The following KAZN variants were observed in gnomAD, a reference collection of about 807,000 sequenced individuals.
KAZN encodes kazrin, periplakin interacting protein, also known as kazrin.
KAZN carries 40 observed loss-of-function variants against 87.4 expected under a neutral mutation model. The observed-to-expected ratio is 0.46, with a 90% confidence interval of 0.36 to 0.60. The LOEUF is 0.60. KAZN is among the 20% of genes least tolerant of loss of function. The pLI is 0.00. For synonymous variants in KAZN, 466 were observed against 458.3 expected, an observed-to-expected ratio of 1.02 and a Z score of -0.22; for missense variants, 898 against 1,073.9, an observed-to-expected ratio of 0.84 and a Z score of 2.29.
chr1:14,259,280 T>C (rs953346206), intron 2 of KAZN, among the ~76,000 whole-genome samples: 10 of 152,216 alleles, frequency 6.6e-5, no homozygotes, highest in Non-Finnish European at 1.3e-4. Context: ...GCTGCGAGCC[T>C]CTGAGGGCTG....
At position 13,983,237 on chromosome 1, in the gene KAZN, G is replaced by A. The variant is rs564952352; in HGVS notation, c.91+89481G>A. Among the ~76,000 whole-genome samples the A allele has an allele frequency of 2.0e-4, 31 of 152,342 alleles. No homozygotes were observed. In the East Asian group the frequency reaches 4.1e-3, roughly 20 times the overall value. Reference sequence around the variant, plus strand: ...GGGGTGGCGCTCGTGGAGGAGGCTCGGGGGCACAGGAGCCCACGGAGGGGT... The same window carrying A: ...GGGGTGGCGCTCGTGGAGGAGGCTCAGGGGCACAGGAGCCCACGGAGGGGT... On this transcript the variant is annotated intron_variant, in intron 1 of 16. Transcript: ENST00000636203.
chr1:14,197,740 A>G (rs1362484765), intron 2 of KAZN, among the ~76,000 whole-genome samples: 1 of 152,170 alleles, frequency 6.6e-6, no homozygotes, highest in Non-Finnish European at 1.5e-5. Flanking sequence ...CCAGAACCTT[A>G]TTTTCTAAGT....
chr1:14,846,439 A>C, intron 1 of KAZN, among the ~76,000 whole-genome samples: 1 of 152,124 alleles, frequency 6.6e-6, no homozygotes, highest in East Asian at 1.9e-4. Context: ...ATGGCTCTAC[A>C]CAGAGGCAGA....
chr1:15,097,587 G>A (rs1393473203), intron 10 of KAZN, among the ~76,000 whole-genome samples: 1 of 152,148 alleles, frequency 6.6e-6, no homozygotes, highest in Non-Finnish European at 1.5e-5. Flanking sequence ...GGGAGGCCAA[G>A]GCAGGTGGAT....
intron 1 of KAZN, among the ~76,000 whole-genome samples, chr1:14,004,912 GC>G (rs1639970622): frequency 6.6e-6 from 1 of 151,932 alleles, no homozygotes; most frequent in South Asian, 2.1e-4. Flanking sequence ...AGAGAACTGA[GC>G]CAGCATGTTA....
intron 2 of KAZN, among the ~76,000 whole-genome samples, chr1:14,309,529 G>A (rs1049492045): frequency 6.6e-6 from 1 of 152,170 alleles, no homozygotes; most frequent in Non-Finnish European, 1.5e-5. Flanking sequence ...TGATTCTAAT[G>A]CTACAGGAAT....
chr1:14,908,095 A>T (rs1483337777), intron 1 of KAZN, among the ~76,000 whole-genome samples: 1 of 152,226 alleles, frequency 6.6e-6, no homozygotes, highest in African/African-American at 2.4e-5. Context: ...TGAAGAGCAG[A>T]GCCATCAAAA....
rs546377738 is a variant in KAZN, at chr1:15,044,306, C to T, written c.726+147C>T. ...CACAAGCAGGGGGCAGGGCCCGCCG[C>T]GGGAGGGGGCTTTCTGCAATGCATC... On this transcript the variant is annotated intron_variant, in intron 4 of 14. Coordinates refer to ENST00000376030, the MANE Select transcript of KAZN (RefSeq NM_201628.3). The T allele has an allele frequency of 1.8e-5, 14 of 786,074 alleles. No homozygotes were observed. The Admixed American group carries it at 3.2e-4, about 18-fold the overall frequency. The allele number at this position is 786,074 out of a possible 1,614,324, so 48.7% of individuals were successfully genotyped here.
intron 13 of KAZN, among the ~76,000 whole-genome samples, chr1:15,105,651 G>A (rs1159816715): frequency 1.3e-5 from 2 of 151,978 alleles, no homozygotes; most frequent in Non-Finnish European, 2.9e-5. Context: ...TCAGGCCTGA[G>A]TCCTAAACCC....
chr1:14,005,518 A>G (rs1204074881), intron 1 of KAZN, among the ~76,000 whole-genome samples: 1 of 152,198 alleles, frequency 6.6e-6, no homozygotes, highest in Non-Finnish European at 1.5e-5. Flanking sequence ...GAGATATACA[A>G]GTAGACTCAT....
intron 1 of KAZN, among the ~76,000 whole-genome samples, chr1:14,933,843 T>A (rs1479186241): frequency 9.1e-6 from 1 of 109,808 alleles, no homozygotes; most frequent in East Asian, 2.9e-4. Flanking sequence ...GATGTAGCTT[T>A]TTTTTCTTTT....
intron 2 of KAZN, among the ~76,000 whole-genome samples, chr1:14,253,123 A>G (rs1448380446): frequency 2.9e-4 from 18 of 62,586 alleles, no homozygotes; most frequent in Middle Eastern, 0.01. Context: ...AAAAAAGAGA[A>G]AAAAAAAAAA....
intron 1 of KAZN, among the ~76,000 whole-genome samples, chr1:14,630,253 T>C (rs928962813): frequency 1.3e-5 from 2 of 152,238 alleles, no homozygotes; most frequent in African/African-American, 4.8e-5. Flanking sequence ...TAGTTCTTCA[T>C]GGTCCAGCTT....
chr1:14,862,254 C>T lies in KAZN; in HGVS notation c.227-98430C>T, dbSNP rs1161849654. The stretch of plus-strand genomic sequence containing the variant: ...AATGTGTGAACCAAGTGCCAGCAGA[C>T]CCAGAGAGGAAATGAGGAACCAGCC... On this transcript the variant is annotated intron_variant, in intron 1 of 14. Coordinates refer to ENST00000376030, the MANE Select transcript of KAZN (RefSeq NM_201628.3). Among the ~76,000 whole-genome samples the T allele has an allele frequency of 2.6e-5, 4 of 152,162 alleles. No individual in the cohort carries two copies. The East Asian group carries it at 7.7e-4, about 29-fold the overall frequency.
intron 1 of KAZN, among the ~76,000 whole-genome samples, chr1:14,871,377 G>T (rs1652108799): frequency 6.6e-6 from 1 of 152,066 alleles, no homozygotes; most frequent in Non-Finnish European, 1.5e-5. Context: ...GTTTCCTTTT[G>T]CATACAAATT....
chr1:14,744,216 A>T (rs1319368712), intron 1 of KAZN, among the ~76,000 whole-genome samples: 1 of 152,080 alleles, frequency 6.6e-6, no homozygotes, highest in African/African-American at 2.4e-5. Context: ...GGCTACAGAG[A>T]TGCTTTATGT....
At chr1:14,299,084 G>A (rs987847144) in intron 2 of KAZN, among the ~76,000 whole-genome samples, 2 of 152,166 alleles carry the variant, frequency 1.3e-5, no homozygotes, top group African/African-American at 4.8e-5. Flanking sequence ...TGTTTATTGA[G>A]CTACTACTGT....
chr1:14,801,233 T>G (rs1309754005), intron 1 of KAZN, among the ~76,000 whole-genome samples: 1 of 152,008 alleles, frequency 6.6e-6, no homozygotes, highest in Non-Finnish European at 1.5e-5. Context: ...CGTGGCTTTC[T>G]CTCTCCGTCA....
intron 2 of KAZN, among the ~76,000 whole-genome samples, chr1:14,219,143 C>G (rs547430174): frequency 6.6e-6 from 1 of 152,080 alleles, no homozygotes; most frequent in Non-Finnish European, 1.5e-5. Flanking sequence ...CAAAGGGTAA[C>G]CTGTAGACTA....
Sources: gnomAD v4.1 joint callset for allele counts (sites outside exome capture counted in the v4.1 genomes callset) on GRCh38, gnomAD v4.1.1 for gene constraint, MANE v1.5 for transcripts, NCBI Gene and HGNC (gene_info 2026-07-23, HGNC 2026-07-21) for gene names.